The following CCDC85A variants were observed in gnomAD, a reference collection of about 807,000 sequenced individuals.
CCDC85A encodes the protein coiled-coil domain-containing protein 85A.
In CCDC85A, 38 loss-of-function variants were observed where a neutral mutation model predicts 50.2. That is an observed-to-expected ratio of 0.76 (90% CI 0.58 to 0.99). CCDC85A has a LOEUF of 0.99. CCDC85A is among the 50% of genes least tolerant of loss of function. CCDC85A has a pLI of 0.00. For synonymous variants in CCDC85A, 366 were observed against 301.4 expected (o/e 1.21, Z -2.22); for missense variants, 820 against 742.0 (o/e 1.11, Z -1.22).
At chr2:56,306,665 C>T (rs1382596465) in intron 2 of CCDC85A, among the ~76,000 whole-genome samples, 1 of 152,104 alleles carries the variant, frequency 6.6e-6, no homozygotes, top group Non-Finnish European at 1.5e-5. Flanking sequence ...ATTAACGACC[C>T]ATACTATTTG....
intron 2 of CCDC85A, among the ~76,000 whole-genome samples, chr2:56,296,830 G>T (rs1054866160): frequency 1.3e-5 from 2 of 152,068 alleles, no homozygotes; most frequent in Non-Finnish European, 2.9e-5. Flanking sequence ...TTATCTATTT[G>T]CTTATTTAAA....
chr2:56,231,973 G>A (rs1361056773), intron 2 of CCDC85A, among the ~76,000 whole-genome samples: 3 of 152,038 alleles, frequency 2.0e-5, no homozygotes, highest in Admixed American at 6.6e-5. Context: ...TGATCATGAT[G>A]TCATGCTTCA....
intron 2 of CCDC85A, among the ~76,000 whole-genome samples, chr2:56,287,859 T>G (rs1407251411): frequency 6.6e-6 from 1 of 152,100 alleles, no homozygotes; most frequent in Non-Finnish European, 1.5e-5. Flanking sequence ...CTTTTGGGAG[T>G]GTGAAATTTT....
At chr2:56,211,329 A>C (rs1353676506) in intron 2 of CCDC85A, among the ~76,000 whole-genome samples, 2 of 152,044 alleles carry the variant, frequency 1.3e-5, no homozygotes, top group African/African-American at 4.8e-5. Context: ...TTGTATTTGC[A>C]CTTGCAGAAA....
At chr2:56,280,164 T>G (rs888281) in intron 2 of CCDC85A, among the ~76,000 whole-genome samples, 1 of 152,106 alleles carries the variant, frequency 6.6e-6, no homozygotes, top group South Asian at 2.1e-4. Flanking sequence ...CTTTTGAGTT[T>G]CATAGAATTT....
At chr2:56,254,813 G>T (rs1046002568) in intron 2 of CCDC85A, among the ~76,000 whole-genome samples, 1 of 152,214 alleles carries the variant, frequency 6.6e-6, no homozygotes, top group Admixed American at 6.5e-5. Context: ...AAGAAGAATA[G>T]TATCACTTGG....
At chr2:56,295,061 G>C (rs970247553) in intron 2 of CCDC85A, among the ~76,000 whole-genome samples, 1 of 152,200 alleles carries the variant, frequency 6.6e-6, no homozygotes, top group Non-Finnish European at 1.5e-5. Flanking sequence ...GATTGCTGAA[G>C]AAGTTTGTCA....
At chr2:56,339,954 TA>T (rs1201724946) in intron 2 of CCDC85A, among the ~76,000 whole-genome samples, 2 of 152,180 alleles carry the variant, frequency 1.3e-5, no homozygotes, top group Admixed American at 1.3e-4. Flanking sequence ...TTTATTAAGC[TA>T]AAAAAATGAG....
At chr2:56,210,260 A>G (rs1338768086) in intron 2 of CCDC85A, among the ~76,000 whole-genome samples, 5 of 152,076 alleles carry the variant, frequency 3.3e-5, no homozygotes, top group African/African-American at 1.2e-4. Flanking sequence ...TTTGTCCCAA[A>G]TGGTGTTTTG....
chr2:56,222,407 A>G (rs571646327), intron 2 of CCDC85A, among the ~76,000 whole-genome samples: 5 of 152,146 alleles, frequency 3.3e-5, no homozygotes, highest in African/African-American at 9.7e-5. Context: ...CCATTATGCC[A>G]TATCTTAGAC....
intron 2 of CCDC85A, among the ~76,000 whole-genome samples, chr2:56,306,849 A>G (rs1428175356): frequency 6.6e-6 from 1 of 152,176 alleles, no homozygotes; most frequent in Non-Finnish European, 1.5e-5. Context: ...CTAGTAGGAT[A>G]CTGCCAGACT....
chr2:56,222,604 A>G (rs979799389), intron 2 of CCDC85A, among the ~76,000 whole-genome samples: 1 of 152,152 alleles, frequency 6.6e-6, no homozygotes, highest in African/African-American at 2.4e-5. Flanking sequence ...CATCATGGGT[A>G]ATCGAGCCAT....
At chr2:56,218,530 C>G (rs1236330396) in intron 2 of CCDC85A, among the ~76,000 whole-genome samples, 1 of 151,842 alleles carries the variant, frequency 6.6e-6, no homozygotes, top group Non-Finnish European at 1.5e-5. Context: ...ACTCAACATG[C>G]TGTTTTGTAG....
intron 2 of CCDC85A, among the ~76,000 whole-genome samples, chr2:56,335,936 A>C (rs897826859): frequency 2.0e-5 from 3 of 152,048 alleles, no homozygotes; most frequent in African/African-American, 7.2e-5. Flanking sequence ...AATCCCACCC[A>C]TGAGGGTGGA....
chr2:56,199,831 C>A (rs1294278361), intron 2 of CCDC85A, among the ~76,000 whole-genome samples: 3 of 152,116 alleles, frequency 2.0e-5, no homozygotes, highest in Non-Finnish European at 4.4e-5. Flanking sequence ...AGTCCATATG[C>A]CATAAGTATT....
intron 2 of CCDC85A, among the ~76,000 whole-genome samples, chr2:56,281,312 A>G (rs1671197164): frequency 6.6e-6 from 1 of 152,024 alleles, no homozygotes; most frequent in Non-Finnish European, 1.5e-5. Context: ...ATGTGTACCA[A>G]TTTGTTTATA....
Position 56,372,478 on chromosome 2 carries a change from G to A in CCDC85A, c.1452G>A (p.Pro484=), listed in dbSNP as rs965236564. The part of the protein sequence containing the change: ...RGIGRCLPTL[P]GSFRLSSGAD... ...TAGGACGATGCCTGCCTACTCTCCCGGTGAGTGAAGATGAGTCAGCTGGAT... is the reference window on the plus strand; with the variant it reads ...TAGGACGATGCCTGCCTACTCTCCCAGTGAGTGAAGATGAGTCAGCTGGAT... The change falls in exon 4 of 6, where the codon CCG becomes CCA. Residue 484 remains proline (P), a splice_region_variant and synonymous_variant. Transcript: ENST00000407595. The A allele has an allele frequency of 4.4e-6, 7 of 1,593,220 alleles. No homozygotes were observed. The highest frequency in any genetic ancestry group is 4.3e-6 in the Non-Finnish European group (5 of 1,168,432).
chr2:56,217,136 A>G (rs1668090819), intron 2 of CCDC85A, among the ~76,000 whole-genome samples: 1 of 151,944 alleles, frequency 6.6e-6, no homozygotes, highest in South Asian at 2.1e-4. Context: ...AGGATGTAAA[A>G]AAAGGTTTAA....
At chr2:56,210,239 G>A (rs1351146099) in intron 2 of CCDC85A, among the ~76,000 whole-genome samples, 1 of 152,036 alleles carries the variant, frequency 6.6e-6, no homozygotes, top group African/African-American at 2.4e-5. Context: ...TACCGTCACA[G>A]TCATGTTTTA....
Sources: gnomAD v4.1 joint callset for allele counts (sites outside exome capture counted in the v4.1 genomes callset) on GRCh38, gnomAD v4.1.1 for gene constraint, MANE v1.5 for transcripts, NCBI Gene and HGNC (gene_info 2026-07-23, HGNC 2026-07-21) for gene names.